QPCTL: variants seen among roughly 807,000 people sequenced by gnomAD.
QPCTL encodes glutaminyl-peptide cyclotransferase like.
A neutral mutation model predicts 34.6 loss-of-function variants in QPCTL; 31 were observed. The ratio of observed to expected loss-of-function variants is 0.90; its 90% CI spans 0.67 to 1.21. QPCTL has a LOEUF of 1.21. Ranked by LOEUF, QPCTL falls within the 50% of genes most tolerant of loss-of-function variation. The pLI, the probability that QPCTL is intolerant of heterozygous loss-of-function variation, is 0.00. For synonymous variants in QPCTL, 223 were observed against 226.9 expected (o/e 0.98, Z 0.15); for missense variants, 474 against 507.8 (o/e 0.93, Z 0.64).
chr19:45,693,291 T>G, intron 1 of QPCTL, 122 bp from the exon 2 acceptor site: 1 of 1,310,174 alleles, frequency 7.6e-7, no homozygotes, highest in Non-Finnish European at 1.0e-6. Context: ...AAGTCTCCGA[T>G]GCTGGAGGCG....
chr19:45,700,682 C>T (rs1432873717), intron 5 of QPCTL, among the ~76,000 whole-genome samples: 3 of 151,898 alleles, frequency 2.0e-5, no homozygotes, highest in Admixed American at 6.6e-5. Context: ...CAGTGGGGGC[C>T]GGGCCTGGTG....
Position 45,701,888 on chromosome 19 carries a change from A to G in QPCTL, c.977A>G (p.Asp326Gly), listed in dbSNP as rs760945030. The G allele has an allele frequency of 3.1e-6, 5 of 1,613,352 alleles. No individual in the cohort carries two copies. The highest frequency in any genetic ancestry group is 1.3e-5 in the African/African-American group (1 of 74,910). The change falls in exon 6 of 7, where the codon GAC becomes GGC. Residue 326 changes from aspartate (D) to glycine (G), a missense_variant. Asp to Gly is a moderately conservative substitution (Grantham distance 94). Coordinates refer to ENST00000012049, the MANE Select transcript of QPCTL (RefSeq NM_017659.4). ...QPGEPFGSVE[D>G]DHIPFLRRGV... ...GGGGAGCCCTTTGGCTCTGTGGAAG[A>G]CGACCACATCCCCTTCCTCCGCAGA...
At chr19:45,702,360 G>A (rs1164540943) in intron 6 of QPCTL, among the ~76,000 whole-genome samples, 1 of 151,956 alleles carries the variant, frequency 6.6e-6, no homozygotes, top group Non-Finnish European at 1.5e-5. Flanking sequence ...CTACTCGAGA[G>A]GCTGAAGTGG....
At chr19:45,699,902 A>G (rs1170098388) in intron 5 of QPCTL, among the ~76,000 whole-genome samples, 1 of 146,786 alleles carries the variant, frequency 6.8e-6, no homozygotes, top group Admixed American at 7.1e-5. Context: ...ACTGCACTCC[A>G]GCCTGGGCAA....
chr19:45,695,848 C>CTT, intron 3 of QPCTL, 130 bp downstream of exon 3: 82 of 856,168 alleles, frequency 9.6e-5, no homozygotes, highest in Non-Finnish European at 1.2e-4. Flanking sequence ...CCACAGGGAT[C>CTT]TTTTTTTTTT....
chr19:45,698,814 T>G lies in QPCTL; in HGVS notation c.800T>G (p.Leu267Arg). ...CTTTCTCCTTAGGAGCTCTTTATGC[T>G]TCTTGATCTCCTGGGAGCCCCCAAT... ...TRIQAIELFM[L>R]LDLLGAPNPT... The change falls in exon 5 of 7, where the codon CTT (leucine) becomes CGT (arginine). Residue 267 changes from leucine to arginine, a missense_variant. By Grantham distance (102) the Leu-to-Arg change is moderately radical. Transcript: ENST00000012049. The G allele has an allele frequency of 6.2e-7, 1 of 1,614,030 alleles. No homozygotes were observed. The highest frequency in any genetic ancestry group is 8.5e-7 in the Non-Finnish European group (1 of 1,179,924).
At position 45,698,664 on chromosome 19, in the gene QPCTL, C is replaced by T. The variant is rs1351549189; in HGVS notation, c.751C>T (p.Pro251Ser). 1 of 1,614,152 alleles carries T rather than the reference C, an allele frequency of 6.2e-7. No individual in the cohort carries two copies. Among genetic ancestry groups the T allele is most frequent in the Non-Finnish European group, 8.5e-7 (1 of 1,180,030 alleles). ...RHLAQLMESIPHSPGPTRIQA... is the reference protein window; with the variant it reads ...RHLAQLMESISHSPGPTRIQA... ...CCTGGCCCAGCTCATGGAGTCTATACCTCACAGCCCCGGCCCCACCAGGAT... is the reference window on the plus strand; with the variant it reads ...CCTGGCCCAGCTCATGGAGTCTATATCTCACAGCCCCGGCCCCACCAGGAT... Residue 251 changes from proline to serine, a missense_variant, in exon 4 of 7, where the codon CCT becomes TCT. By Grantham distance (74) the Pro-to-Ser change is moderately conservative. Transcript: ENST00000012049.
Position 45,697,253 on chromosome 19 carries a change from C to G in QPCTL, c.634-1294C>G, listed in dbSNP as rs572886457. 1.1e-4 allele frequency among the ~76,000 whole-genome samples: 16 copies of G among 151,992 alleles called. No homozygotes were observed. In the South Asian group the frequency reaches 2.7e-3, roughly 26 times the overall value. Reference sequence around the variant, plus strand: ...CATCCTGGCTAACACAGTGAAACCCCGTCTCTACTAAAAATACAAAAAGTT... The same window carrying G: ...CATCCTGGCTAACACAGTGAAACCCGGTCTCTACTAAAAATACAAAAAGTT... On this transcript the variant is annotated intron_variant, in intron 3 of 6. Transcript: ENST00000012049.
intron 5 of QPCTL, among the ~76,000 whole-genome samples, chr19:45,700,485 A>G (rs1967788938): frequency 6.6e-6 from 1 of 152,076 alleles, no homozygotes; most frequent in South Asian, 2.1e-4. Context: ...ATAAGAAAAT[A>G]AAATAAAGGC....
At chr19:45,701,732 T>C (rs1967814624) in intron 5 of QPCTL, 66 bp from the exon 6 acceptor site, 1 of 1,270,686 alleles carries the variant, frequency 7.9e-7, no homozygotes, top group Admixed American at 2.0e-5. Flanking sequence ...CTTCCTCTGA[T>C]TTGTGGACTG....
intron 6 of QPCTL, among the ~76,000 whole-genome samples, chr19:45,702,686 C>T (rs1268234492): frequency 2.0e-5 from 3 of 151,644 alleles, no homozygotes; most frequent in Admixed American, 6.6e-5. Context: ...ATCGCTGGAA[C>T]CTGGGAGGCA....
At chr19:45,701,369 A>G (rs928788467) in intron 5 of QPCTL, among the ~76,000 whole-genome samples, 2 of 150,770 alleles carry the variant, frequency 1.3e-5, no homozygotes, top group African/African-American at 4.9e-5. Context: ...TCCACCTCCC[A>G]GGTTCAAGCA....
In QPCTL at chr19:45,692,790, G is replaced by A. The variant is rs372295813; in HGVS notation, c.87G>A (p.Leu29=). The change falls in exon 1 of 7, where the codon CTG becomes CTA. Residue 29 remains leucine (L), a synonymous_variant. Coordinates refer to ENST00000012049, the MANE Select transcript of QPCTL (RefSeq NM_017659.4). ...MEPLLPPKRR[L]LPRVRLLPLL... is the part of the protein sequence containing the mutation. ...CACTCTTGCCGCCGAAGCGCCGCCTGCTACCGCGGGTTCGGCTCTTGCCTC... is the reference window on the plus strand; with the variant it reads ...CACTCTTGCCGCCGAAGCGCCGCCTACTACCGCGGGTTCGGCTCTTGCCTC... 7.6e-6 allele frequency: 12 copies of A among 1,585,262 alleles called. No individual in the cohort carries two copies. The African/African-American group carries it at 1.6e-4, about 21-fold the overall frequency.
In QPCTL at chr19:45,692,838, C is replaced by G. The variant is rs759307525; in HGVS notation, c.135C>G (p.Gly45=). The stretch of plus-strand genomic sequence containing the variant: ...CTCTGTTGCTGGCGCTGGCCGTGGG[C>G]TCGGCGTTCTACACCATTTGGAGCG... ...LLPLLLALAV[G]SAFYTIWSGW... is the part of the protein sequence containing the mutation. The change falls in exon 1 of 7, where the codon GGC becomes GGG. Residue 45 remains glycine, a synonymous_variant. Coordinates refer to ENST00000012049, the MANE Select transcript of QPCTL (RefSeq NM_017659.4). 6.4e-7 allele frequency: 1 copy of G among 1,564,480 alleles called. No individual in the cohort carries two copies. Among genetic ancestry groups the G allele is most frequent in the Non-Finnish European group, 8.7e-7 (1 of 1,154,896 alleles).
At position 45,701,909 on chromosome 19, in the gene QPCTL, G is replaced by T. The variant is rs369332200; in HGVS notation, c.998G>T (p.Arg333Leu). ...GAAGACGACCACATCCCCTTCCTCC[G>T]CAGAGGTACCAGCTGCAGGGAGGGA... is the stretch of plus-strand genomic sequence containing the variant. ...SVEDDHIPFL[R>L]RGVPVLHLIS... The change falls in exon 6 of 7, where the codon CGC (arginine) becomes CTC (leucine). Residue 333 changes from arginine (R) to leucine (L), a missense_variant. Physicochemically the swap from Arg to Leu is moderately radical, Grantham distance 102. Transcript: ENST00000012049. 6.2e-7 allele frequency: 1 copy of T among 1,609,756 alleles called. No homozygotes were observed.
intron 3 of QPCTL, among the ~76,000 whole-genome samples, chr19:45,697,294 C>T (rs1014468690): frequency 2.6e-5 from 4 of 151,020 alleles, no homozygotes; most frequent in Admixed American, 1.3e-4. Flanking sequence ...GGCGTGGTGG[C>T]GGGCGCCTGT....
intron 6 of QPCTL, among the ~76,000 whole-genome samples, chr19:45,702,416 T>C (rs1300133810): frequency 2.6e-5 from 4 of 151,548 alleles, no homozygotes; most frequent in East Asian, 1.9e-4. Context: ...TAAGCCTTGA[T>C]TGAGCCACTG....
chr19:45,695,700 G>C lies in QPCTL; in HGVS notation c.615G>C (p.Leu205=). The change falls in exon 3 of 7, where the codon CTG becomes CTC. Residue 205 remains leucine, a synonymous_variant. Transcript: ENST00000012049. ...TGGCCCAAGCACTTGACCTGGAGCTGAGCAGGGCCAAAAAACAGGTGAGGA... is the reference window on the plus strand; with the variant it reads ...TGGCCCAAGCACTTGACCTGGAGCTCAGCAGGGCCAAAAAACAGGTGAGGA... The part of the protein sequence containing the change: ...LELAQALDLE[L]SRAKKQAAPV... The C allele has an allele frequency of 6.2e-7, 1 of 1,610,822 alleles. No individual in the cohort carries two copies. The highest frequency in any genetic ancestry group is 8.5e-7 in the Non-Finnish European group (1 of 1,179,284).
rs764243904 is a variant in QPCTL, at chr19:45,701,809, C to T, written c.898C>T (p.His300Tyr). The T allele has an allele frequency of 6.8e-6, 11 of 1,613,518 alleles. No individual in the cohort carries two copies. The highest frequency in any genetic ancestry group is 1.3e-5 in the African/African-American group (1 of 74,920). Residue 300 changes from histidine to tyrosine, a missense_variant, in exon 6 of 7, where the codon CAC (histidine) becomes TAC (tyrosine). Coordinates refer to ENST00000012049, the MANE Select transcript of QPCTL (RefSeq NM_017659.4). The part of the protein sequence containing the change: ...HRLRSIEKRL[H>Y]RLNLLQSHPQ... Reference sequence around the variant, plus strand: ...GCCCCCACTTCCAGAGAAGCGTCTGCACCGTTTGAACCTGCTGCAGTCTCA... The same window carrying T: ...GCCCCCACTTCCAGAGAAGCGTCTGTACCGTTTGAACCTGCTGCAGTCTCA...
Sources: allele counts gnomAD v4.1 joint callset (sites outside exome capture counted in the v4.1 genomes callset), GRCh38; gene constraint gnomAD v4.1.1; transcripts MANE v1.5; gene names NCBI Gene and HGNC (gene_info 2026-07-23, HGNC 2026-07-21).